TRPC7: variants seen among roughly 807,000 people sequenced by gnomAD.
TRPC7 encodes the protein short transient receptor potential channel 7.
Under a neutral mutation model 90.1 loss-of-function variants are expected in TRPC7, and 42 were observed. That is an observed-to-expected ratio of 0.47 (90% CI 0.36 to 0.60). The LOEUF (loss-of-function observed/expected upper bound fraction) is 0.60. TRPC7 is among the 20% of genes least tolerant of loss of function. The pLI is 0.00. For synonymous variants in TRPC7, 451 were observed against 436.3 expected, an observed-to-expected ratio of 1.03 and a Z score of -0.42; for missense variants, 955 against 1,112.3, an observed-to-expected ratio of 0.86 and a Z score of 2.01.
At chr5:136,284,915 G>A (rs1043921309) in intron 3 of TRPC7, among the ~76,000 whole-genome samples, 2 of 152,186 alleles carry the variant, frequency 1.3e-5, no homozygotes, top group African/African-American at 4.8e-5. Context: ...GCCTGTGTGA[G>A]ATTGAGCAAG....
chr5:136,267,400 A>G (rs1193897998), intron 4 of TRPC7, among the ~76,000 whole-genome samples: 1 of 152,230 alleles, frequency 6.6e-6, no homozygotes, highest in Non-Finnish European at 1.5e-5. Flanking sequence ...AACAAAGAGG[A>G]ACATCTTTTC....
rs118091559 is a variant in TRPC7 at position 136,339,181 on chromosome 5, C to T, written c.780+17427G>A. On this transcript the variant is annotated intron_variant, in intron 2 of 11. Coordinates refer to ENST00000513104, the MANE Select transcript of TRPC7 (RefSeq NM_020389.3). ...TCCATCTTGCTACTAACCTCACAGG[C>T]TGGCTGTTCTTGCTCATTCCTGGGT... 1.2e-3 allele frequency among the ~76,000 whole-genome samples: 180 copies of T among 152,322 alleles called. 4 individuals are homozygous for T. In the East Asian group the frequency reaches 0.032, roughly 27 times the overall value.
intron 2 of TRPC7, among the ~76,000 whole-genome samples, chr5:136,340,100 A>C (rs1288981981): frequency 6.6e-6 from 1 of 152,240 alleles, no homozygotes; most frequent in African/African-American, 2.4e-5. Context: ...ATGGATTAAA[A>C]AATGTGGTAT....
intron 2 of TRPC7, among the ~76,000 whole-genome samples, chr5:136,342,082 C>T (rs915489157): frequency 3.3e-5 from 5 of 152,148 alleles, no homozygotes; most frequent in Admixed American, 1.3e-4. Context: ...TTTCTCCATC[C>T]GCTACTCTAC....
chr5:136,257,000 A>G (rs907165916), intron 5 of TRPC7, among the ~76,000 whole-genome samples: 1 of 152,154 alleles, frequency 6.6e-6, no homozygotes, highest in African/African-American at 2.4e-5. Context: ...GTAGACAGTA[A>G]TGAGGGCTCT....
chr5:136,278,444 G>A (rs185634906), intron 3 of TRPC7, among the ~76,000 whole-genome samples: 2 of 152,348 alleles, frequency 1.3e-5, no homozygotes, highest in Non-Finnish European at 2.9e-5. Context: ...ACCACATCTG[G>A]AAGAGGCCTG....
At chr5:136,276,977 G>A (rs779337608) in intron 3 of TRPC7, among the ~76,000 whole-genome samples, 18 of 152,216 alleles carry the variant, frequency 1.2e-4, no homozygotes, top group Admixed American at 2.0e-4. Context: ...ATTAGAAGAC[G>A]CGACACATGC....
chr5:136,279,121 AGAGAGCTCTC>A lies in TRPC7; in HGVS notation c.964-4294_964-4285del, dbSNP rs1368767254. 2.0e-5 allele frequency among the ~76,000 whole-genome samples: 3 copies of A among 152,164 alleles called. No individual in the cohort carries two copies. In the East Asian group the frequency reaches 5.8e-4, roughly 29 times the overall value. Reference sequence around the variant, plus strand: ...AGGTCTCTTGTGCCATTGTTCTCAAAGAGAGCTCTCTGTTCCTGTATGCCAAGGACAGCAG... The same window carrying A: ...AGGTCTCTTGTGCCATTGTTCTCAAATGTTCCTGTATGCCAAGGACAGCAG... On this transcript the variant is annotated intron_variant, in intron 3 of 11. Transcript: ENST00000513104.
rs1755137332 is a variant in TRPC7 at position 136,212,867 on chromosome 5, CAGTA to C, written c.*564_*567del. Among the ~76,000 whole-genome samples the C allele has an allele frequency of 1.3e-5, 2 of 152,180 alleles. No individual in the cohort carries two copies. The highest frequency in any genetic ancestry group is 4.8e-5 in the African/African-American group (2 of 41,436). On this transcript the variant is annotated 3_prime_UTR_variant, in exon 12 of 12. Transcript: ENST00000513104. ...GTTGTTTTCTAAACAGTGCTACCTA[CAGTA>C]CAGTTTTCAATTTAGGATTTTTAAA... is the stretch of plus-strand genomic sequence containing the variant.
chr5:136,315,112 T>A (rs1758966710), intron 3 of TRPC7, among the ~76,000 whole-genome samples: 1 of 152,150 alleles, frequency 6.6e-6, no homozygotes, highest in Non-Finnish European at 1.5e-5. Flanking sequence ...TGGAGTGCAA[T>A]TCTTCTATAA....
chr5:136,280,131 A>T (rs998201437), intron 3 of TRPC7, among the ~76,000 whole-genome samples: 1 of 152,144 alleles, frequency 6.6e-6, no homozygotes, highest in Non-Finnish European at 1.5e-5. Flanking sequence ...CTGCTCTCCA[A>T]CCTGGGCGAT....
At chr5:136,279,867 C>G (rs2149817637) in intron 3 of TRPC7, among the ~76,000 whole-genome samples, 1 of 152,320 alleles carries the variant, frequency 6.6e-6, no homozygotes, top group Middle Eastern at 3.4e-3. Flanking sequence ...CTGCTCTTCT[C>G]TGGTTTAACA....
intron 3 of TRPC7, among the ~76,000 whole-genome samples, chr5:136,277,652 G>T (rs995400117): frequency 6.6e-6 from 1 of 152,222 alleles, no homozygotes; most frequent in African/African-American, 2.4e-5. Flanking sequence ...AGAACTCGGG[G>T]TGTGACCAGG....
intron 3 of TRPC7, among the ~76,000 whole-genome samples, chr5:136,299,298 C>G (rs1282637193): frequency 1.5e-5 from 2 of 134,064 alleles, no homozygotes; most frequent in South Asian, 4.6e-4. Flanking sequence ...AAAATTCTGT[C>G]TCAAAAAAAA....
At chr5:136,342,816 G>A (rs1759884942) in intron 2 of TRPC7, among the ~76,000 whole-genome samples, 1 of 152,138 alleles carries the variant, frequency 6.6e-6, no homozygotes, top group Non-Finnish European at 1.5e-5. Context: ...ACAAATCTAT[G>A]CACAGAAAAT....
chr5:136,221,261 C>T (rs1220487802), intron 10 of TRPC7, among the ~76,000 whole-genome samples: 5 of 151,900 alleles, frequency 3.3e-5, no homozygotes, highest in Non-Finnish European at 7.4e-5. Context: ...CTGCCCTGCC[C>T]CATGCATTAG....
chr5:136,327,596 A>T (rs1209322212), intron 2 of TRPC7, among the ~76,000 whole-genome samples: 1 of 152,166 alleles, frequency 6.6e-6, no homozygotes, highest in African/African-American at 2.4e-5. Context: ...AGGATGGAGG[A>T]AGGGATCTGA....
At chr5:136,220,645 T>G (rs1297609388) in intron 10 of TRPC7, among the ~76,000 whole-genome samples, 1 of 152,200 alleles carries the variant, frequency 6.6e-6, no homozygotes. Context: ...GAGTTTTTGA[T>G]TTTGCCCTTT....
At chr5:136,262,755 G>A (rs941230775) in intron 5 of TRPC7, among the ~76,000 whole-genome samples, 1 of 152,264 alleles carries the variant, frequency 6.6e-6, no homozygotes, top group Non-Finnish European at 1.5e-5. Flanking sequence ...TAGGCAGCAC[G>A]GGACTGTGAT....
Sources: gnomAD v4.1 joint callset for allele counts (sites outside exome capture counted in the v4.1 genomes callset) on GRCh38, gnomAD v4.1.1 for gene constraint, MANE v1.5 for transcripts, NCBI Gene and HGNC (gene_info 2026-07-23, HGNC 2026-07-21) for gene names.